The following AGBL1 variants were observed in gnomAD, a reference collection of about 807,000 sequenced individuals.
AGBL1 encodes the protein cytosolic carboxypeptidase 4.
In AGBL1, 130 loss-of-function variants were observed where a neutral mutation model predicts 118.9. The observed-to-expected ratio is 1.09, with a 90% CI of 0.95 to 1.26. The LOEUF (loss-of-function observed/expected upper bound fraction) is 1.26, where lower values mean the gene tolerates loss of function less well. Among genes scored for constraint, AGBL1 ranks in the 50% most tolerant of loss-of-function variants. The probability of loss-of-function intolerance (pLI) is 0.00; values close to 1 mark genes in which losing one functional copy is unlikely to be tolerated. For missense variants in AGBL1, 1,584 were observed against 1,298.1 expected (o/e 1.22, Z -3.38); for synonymous variants, 555 against 478.9 (o/e 1.16, Z -2.08).
chr15:86,764,401 G>A (rs1240788669), intron 22 of AGBL1, among the ~76,000 whole-genome samples: 1 of 152,034 alleles, frequency 6.6e-6, no homozygotes, highest in East Asian at 1.9e-4. Flanking sequence ...ATAGGAATAT[G>A]ATAGGGGTAT....
At chr15:86,446,822 C>CTGT (rs2142063045) in intron 18 of AGBL1, among the ~76,000 whole-genome samples, 1 of 152,282 alleles carries the variant, frequency 6.6e-6, no homozygotes, top group East Asian at 1.9e-4. Flanking sequence ...AATAATTACA[C>CTGT]TGTTATATTT....
intron 18 of AGBL1, among the ~76,000 whole-genome samples, chr15:86,508,498 T>TA (rs147378899): frequency 6.6e-6 from 1 of 152,268 alleles, no homozygotes; most frequent in East Asian, 1.9e-4. Flanking sequence ...ATGCTTGAAA[T>TA]ACATGACTAT....
chr15:86,643,004 A>G (rs1348622078), intron 21 of AGBL1, among the ~76,000 whole-genome samples: 1 of 152,198 alleles, frequency 6.6e-6, no homozygotes, highest in Non-Finnish European at 1.5e-5. Context: ...CAATGATTAT[A>G]TGACATCAAT....
At chr15:86,540,505 G>A (rs931264939) in intron 19 of AGBL1, among the ~76,000 whole-genome samples, 1 of 152,116 alleles carries the variant, frequency 6.6e-6, no homozygotes, top group South Asian at 2.1e-4. Flanking sequence ...TGAGCCACGA[G>A]AATTGCTTGA....
At chr15:86,815,742 GC>G (rs5814262) in intron 22 of AGBL1, among the ~76,000 whole-genome samples, 39,410 of 151,884 alleles carry the variant, frequency 0.26, 6,370 homozygotes, top group Non-Finnish European at 0.38. Context: ...CCCAACCCCA[GC>G]TCTAAGTAAC....
chr15:86,902,076 T>C (rs1367194036), intron 22 of AGBL1, among the ~76,000 whole-genome samples: 1 of 152,172 alleles, frequency 6.6e-6, no homozygotes, highest in East Asian at 1.9e-4. Flanking sequence ...CTGTGAACTA[T>C]CATGTGCAGG....
chr15:86,843,104 T>C lies in AGBL1; in HGVS notation c.3159-63983T>C, dbSNP rs144742862. Among the ~76,000 whole-genome samples, 1,305 of 152,242 alleles carry C rather than the reference T, an allele frequency of 8.6e-3. 16 individuals carry two copies. Among genetic ancestry groups the C allele is most frequent in the African/African-American group, 0.03 (1,261 of 41,528 alleles). On this transcript the variant is annotated intron_variant, in intron 22 of 22. Transcript: ENST00000614907. ...AGTGGCTCTCACTCAAAACTACAGA[T>C]GGGTAAATAATGATAGCATCCTTAA...
chr15:86,269,265 C>G lies in AGBL1; in HGVS notation c.1839-654C>G, dbSNP rs2079119646. Among the ~76,000 whole-genome samples, 3 of 152,230 alleles carry G rather than the reference C, an allele frequency of 2.0e-5. No individual in the cohort carries two copies. In the South Asian group the frequency reaches 6.2e-4, roughly 32 times the overall value. On this transcript the variant is annotated intron_variant, in intron 13 of 22. Transcript: ENST00000614907. ...AGCCTAATTCATGTTTGTTGTTTTGCTGGGGGATGTATATTTACTAGGTTA... is the reference window on the plus strand; with the variant it reads ...AGCCTAATTCATGTTTGTTGTTTTGGTGGGGGATGTATATTTACTAGGTTA...
intron 17 of AGBL1, among the ~76,000 whole-genome samples, chr15:86,384,064 T>A (rs904223919): frequency 6.6e-6 from 1 of 152,186 alleles, no homozygotes; most frequent in African/African-American, 2.4e-5. Context: ...ACGGTCCCCT[T>A]CCCATCTCAT....
At chr15:86,888,700 T>C (rs574141710) in intron 22 of AGBL1, among the ~76,000 whole-genome samples, 1 of 152,134 alleles carries the variant, frequency 6.6e-6, no homozygotes, top group African/African-American at 2.4e-5. Flanking sequence ...TTTCCTTAAA[T>C]GTGCTTATGG....
intron 18 of AGBL1, among the ~76,000 whole-genome samples, chr15:86,483,487 C>G (rs911858410): frequency 1.3e-5 from 2 of 152,066 alleles, no homozygotes; most frequent in African/African-American, 4.8e-5. Flanking sequence ...GTCTGACCTC[C>G]CATCCCATCA....
At chr15:86,279,860 C>T in intron 16 of AGBL1, 77 bp downstream of exon 16, 1 of 1,535,934 alleles carries the variant, frequency 6.5e-7, no homozygotes, top group Non-Finnish European at 9.0e-7. Context: ...ATTTTGGAGA[C>T]CCTGACATCC....
At chr15:86,156,885 G>T (rs1231447085) in intron 4 of AGBL1, among the ~76,000 whole-genome samples, 5 of 150,844 alleles carry the variant, frequency 3.3e-5, no homozygotes, top group Non-Finnish European at 7.4e-5. Context: ...TGCCTCCTGG[G>T]TTCAAATGAT....
At chr15:86,933,976 A>G (rs1163553975) in intron 23 of AGBL1, among the ~76,000 whole-genome samples, 3 of 152,204 alleles carry the variant, frequency 2.0e-5, no homozygotes, top group African/African-American at 7.2e-5. Flanking sequence ...AAATTGAACA[A>G]GTTGGGCAAG....
intron 5 of AGBL1, among the ~76,000 whole-genome samples, chr15:86,222,222 T>C (rs1370213631): frequency 6.6e-6 from 1 of 152,162 alleles, no homozygotes; most frequent in Non-Finnish European, 1.5e-5. Context: ...CTAACTGTGG[T>C]TGCGTTCCTG....
chr15:86,546,164 T>G, intron 20 of AGBL1, 31 bp downstream of exon 20: 1 of 1,592,148 alleles, frequency 6.3e-7, no homozygotes, highest in Non-Finnish European at 8.6e-7. Context: ...ACATCAGACA[T>G]GCTGTGTTCA....
At chr15:86,252,364 T>C (rs890120203) in intron 7 of AGBL1, among the ~76,000 whole-genome samples, 3 of 152,212 alleles carry the variant, frequency 2.0e-5, no homozygotes, top group African/African-American at 7.2e-5. Flanking sequence ...AAGAACTGGA[T>C]ACCCTAAAGG....
chr15:86,359,923 G>T (rs938497057), intron 17 of AGBL1, among the ~76,000 whole-genome samples: 3 of 151,768 alleles, frequency 2.0e-5, no homozygotes, highest in African/African-American at 4.8e-5. Flanking sequence ...TTATCTATTG[G>T]TACTAAAAGG....
At chr15:86,484,238 A>C (rs2082687284) in intron 18 of AGBL1, among the ~76,000 whole-genome samples, 1 of 152,054 alleles carries the variant, frequency 6.6e-6, no homozygotes, top group Admixed American at 6.6e-5. Flanking sequence ...ACTTTGGGAG[A>C]AACCATGAGG....
Sources: gnomAD v4.1 joint callset for allele counts (sites outside exome capture counted in the v4.1 genomes callset) on GRCh38, gnomAD v4.1.1 for gene constraint, MANE v1.5 for transcripts, NCBI Gene and HGNC (gene_info 2026-07-23, HGNC 2026-07-21) for gene names.